The following PCDH17 variants were observed in gnomAD, a reference collection of about 807,000 sequenced individuals.
PCDH17 encodes protocadherin 17, also known as protocadherin-17.
PCDH17 carries 21 observed loss-of-function variants against 67.7 expected under a neutral mutation model. That is an observed-to-expected ratio of 0.31 (90% CI 0.22 to 0.45). The LOEUF is 0.45. Among genes scored for constraint, PCDH17 ranks in the 20% least tolerant of loss-of-function variants. The pLI is 1.00. For synonymous variants in PCDH17, 701 were observed against 656.7 expected (o/e 1.07, Z -1.03); for missense variants, 1,471 against 1,564.8 (o/e 0.94, Z 1.01).
chr13:57,701,038 CTTCTT>C (rs1476766022), intron 3 of PCDH17, among the ~76,000 whole-genome samples: 1 of 152,050 alleles, frequency 6.6e-6, no homozygotes, highest in African/African-American at 2.4e-5. Flanking sequence ...CAATAATGTC[CTTCTT>C]TTGAGTCACC....
chr13:57,648,033 T>A (rs373344749), intron 1 of PCDH17, among the ~76,000 whole-genome samples: 3 of 152,062 alleles, frequency 2.0e-5, no homozygotes, highest in East Asian at 3.9e-4. Flanking sequence ...TGAGTCTCAG[T>A]GAACTTAAAC....
intron 1 of PCDH17, among the ~76,000 whole-genome samples, chr13:57,659,172 TA>T (rs952274842): frequency 6.6e-6 from 1 of 152,062 alleles, no homozygotes; most frequent in Non-Finnish European, 1.5e-5. Flanking sequence ...AGAGTATGTG[TA>T]AATTAATCCC....
intron 3 of PCDH17, among the ~76,000 whole-genome samples, chr13:57,724,224 T>G (rs756030479): frequency 6.6e-6 from 1 of 152,196 alleles, no homozygotes; most frequent in Non-Finnish European, 1.5e-5. Context: ...CCTTGTTATT[T>G]GATTTGAAAA....
At chr13:57,676,226 A>G (rs920582876) in intron 3 of PCDH17, among the ~76,000 whole-genome samples, 1 of 151,884 alleles carries the variant, frequency 6.6e-6, no homozygotes, top group Non-Finnish European at 1.5e-5. Context: ...TGCTAGGAAA[A>G]AAACAAAAAA....
chr13:57,669,774 T>G (rs575102326), intron 3 of PCDH17, among the ~76,000 whole-genome samples: 1 of 152,118 alleles, frequency 6.6e-6, no homozygotes, highest in Admixed American at 6.6e-5. Flanking sequence ...TTTTCTATTT[T>G]CTACACAACC....
At chr13:57,693,862 T>C (rs1005754762) in intron 3 of PCDH17, among the ~76,000 whole-genome samples, 1 of 151,200 alleles carries the variant, frequency 6.6e-6, no homozygotes, top group African/African-American at 2.4e-5. Flanking sequence ...ATTTCATCTT[T>C]CTATATAAGT....
intron 3 of PCDH17, among the ~76,000 whole-genome samples, chr13:57,667,849 A>G (rs1237599606): frequency 6.8e-6 from 1 of 146,220 alleles, no homozygotes; most frequent in Non-Finnish European, 1.5e-5. Context: ...ATACCCATAT[A>G]TATAAGTATA....
chr13:57,702,175 C>T (rs761453760), intron 3 of PCDH17, among the ~76,000 whole-genome samples: 3 of 152,178 alleles, frequency 2.0e-5, no homozygotes, highest in Middle Eastern at 6.8e-3. Context: ...CCTCGGCCTC[C>T]CAAAGTGCTG....
chr13:57,710,705 G>C (rs1244761665), intron 3 of PCDH17, among the ~76,000 whole-genome samples: 1 of 151,972 alleles, frequency 6.6e-6, no homozygotes, highest in East Asian at 1.9e-4. Context: ...AGAAAAACTT[G>C]CTACTGGAGA....
At position 57,632,197 on chromosome 13, in the gene PCDH17, C is replaced by T; in HGVS notation, c.-350C>T. 2.9e-6 allele frequency: 1 copy of T among 349,356 alleles called. No individual in the cohort carries two copies. The highest frequency in any genetic ancestry group is 5.3e-6 in the Non-Finnish European group (1 of 189,378). 21.6% of individuals were successfully genotyped at this position (349,356 alleles called of 1,614,324 possible). The stretch of plus-strand genomic sequence containing the variant: ...CTCCCAGACGAGATTTCCTTCTTAT[C>T]GCCTGCCTCATCGCTCAAGTTTGAG... On this transcript the variant is annotated 5_prime_UTR_variant, in exon 1 of 4. Transcript: ENST00000377918.
Position 57,632,718 on chromosome 13 carries a change from C to G in PCDH17, c.172C>G (p.Arg58Gly). Residue 58 changes from arginine to glycine, a missense_variant, in exon 1 of 4, where the codon CGC becomes GGC. This residue lies in a region of PCDH17 where 1,163 missense variants were observed against 1,230.0 expected (regional missense o/e 0.95). Coordinates refer to ENST00000377918, the MANE Select transcript of PCDH17 (RefSeq NM_001040429.3). ...LPPAERGGGG[R>G]SKSGSYRVLE... ...GCCTGCAGAGCGCGGCGGCGGAGGG[C>G]GCAGCAAGTCGGGTAGCTACCGGGT... 2 of 1,611,510 alleles carry G rather than the reference C, an allele frequency of 1.2e-6. No individual in the cohort carries two copies. Among genetic ancestry groups the G allele is most frequent in the South Asian group, 1.1e-5 (1 of 91,066 alleles).
chr13:57,705,449 T>G (rs1044640640), intron 3 of PCDH17, among the ~76,000 whole-genome samples: 6 of 152,122 alleles, frequency 3.9e-5, no homozygotes, highest in Non-Finnish European at 2.9e-5. Flanking sequence ...ACTAAGAACA[T>G]GCATGTATAT....
rs1450458525 is a variant in PCDH17, at chr13:57,724,798, A to T, written c.2984A>T (p.Lys995Ile). The T allele has an allele frequency of 6.2e-7, 1 of 1,614,058 alleles. No individual in the cohort carries two copies. Among genetic ancestry groups the T allele is most frequent in the Non-Finnish European group, 8.5e-7 (1 of 1,180,040 alleles). The change falls in exon 4 of 4, where the codon AAA becomes ATA. Residue 995 changes from lysine to isoleucine, a missense_variant. This residue lies in a region of PCDH17 where 297 missense variants were observed against 298.6 expected (regional missense o/e 0.99). Transcript: ENST00000377918. ...TACGAAACTGTGAATCCCACTGGGA[A>T]AAAGACTTTTTGTACATTTGGAAAA... ...ETYETVNPTG[K>I]KTFCTFGKDK... is the part of the protein sequence containing the mutation.
chr13:57,711,464 T>G lies in PCDH17; in HGVS notation c.2798-13148T>G, dbSNP rs1450538048. Reference sequence around the variant, plus strand: ...TATTCATTTCCATCTGGTATATGAATGTAATTTTTTAATCATGTGTATGAA... The same window carrying G: ...TATTCATTTCCATCTGGTATATGAAGGTAATTTTTTAATCATGTGTATGAA... On this transcript the variant is annotated intron_variant, in intron 3 of 3. Coordinates refer to ENST00000377918, the MANE Select transcript of PCDH17 (RefSeq NM_001040429.3). Among the ~76,000 whole-genome samples the G allele has an allele frequency of 2.6e-5, 4 of 152,056 alleles. No individual in the cohort carries two copies. The South Asian group carries it at 6.2e-4, about 24-fold the overall frequency.
intron 3 of PCDH17, among the ~76,000 whole-genome samples, chr13:57,681,899 C>T (rs1955453804): frequency 6.6e-6 from 1 of 151,702 alleles, no homozygotes; most frequent in Non-Finnish European, 1.5e-5. Flanking sequence ...CAGACTCTTC[C>T]AAGATATCTA....
chr13:57,703,417 A>T (rs1955687456), intron 3 of PCDH17, among the ~76,000 whole-genome samples: 1 of 152,158 alleles, frequency 6.6e-6, no homozygotes. Context: ...AAGAAAGTGT[A>T]TAGTGGAGGA....
rs1954768057 is a variant in PCDH17, at chr13:57,633,712, G to T, written c.1166G>T (p.Cys389Phe). 1.2e-6 allele frequency: 2 copies of T among 1,602,416 alleles called. No individual in the cohort carries two copies. The change falls in exon 1 of 4, where the codon TGT becomes TTT. Residue 389 changes from cysteine (C) to phenylalanine (F), a missense_variant. Coordinates refer to ENST00000377918, the MANE Select transcript of PCDH17 (RefSeq NM_001040429.3). The surrounding 1 kb of genome is among the most constrained non-coding windows in gnomAD (Gnocchi z 6.2). ...TCTGGCAAGAACGGACAGCTGCAGT[G>T]TCGGGTCCTAGGCGGAGGAGGGACG... ...RDSGKNGQLQ[C>F]RVLGGGGTGG...
chr13:57,644,642 T>A (rs1954943962), intron 1 of PCDH17, among the ~76,000 whole-genome samples: 1 of 151,624 alleles, frequency 6.6e-6, no homozygotes, highest in Admixed American at 6.6e-5. Context: ...TTGCCAGGAT[T>A]TTTCTGTTCC....
chr13:57,703,418 T>C (rs926600834), intron 3 of PCDH17, among the ~76,000 whole-genome samples: 2 of 152,056 alleles, frequency 1.3e-5, no homozygotes, highest in Non-Finnish European at 2.9e-5. Flanking sequence ...AGAAAGTGTA[T>C]AGTGGAGGAA....
Sources: gnomAD v4.1 joint callset for allele counts (sites outside exome capture counted in the v4.1 genomes callset) on GRCh38, gnomAD v4.1.1 for gene constraint, gnomAD v4.1.1 regional missense constraint, Gnocchi (gnomAD v3.1) non-coding constraint, MANE v1.5 for transcripts, NCBI Gene and HGNC (gene_info 2026-07-23, HGNC 2026-07-21) for gene names.